RABEP1: variants seen among roughly 807,000 people sequenced by gnomAD.
RABEP1 encodes the protein rab GTPase-binding effector protein 1.
A neutral mutation model predicts 123.4 loss-of-function variants in RABEP1; 51 were observed. The ratio of observed to expected loss-of-function variants is 0.41; its 90% confidence interval spans 0.33 to 0.52. The LOEUF (loss-of-function observed/expected upper bound fraction) is 0.52, where lower values mean the gene tolerates loss of function less well. Among genes scored for constraint, RABEP1 ranks in the 20% least tolerant of loss-of-function variants. RABEP1 has a pLI of 0.16. For synonymous variants in RABEP1, 347 were observed against 355.2 expected (o/e 0.98, Z 0.26); for missense variants, 888 against 996.3 (o/e 0.89, Z 1.46).
At chr17:5,372,893 G>T (rs1185246836) in intron 12 of RABEP1, among the ~76,000 whole-genome samples, 1 of 152,190 alleles carries the variant, frequency 6.6e-6, no homozygotes, top group East Asian at 1.9e-4. Context: ...CCTAGTTGCT[G>T]GGATTACAGG....
chr17:5,343,136 C>T (rs139463641), intron 5 of RABEP1, among the ~76,000 whole-genome samples: 1 of 152,260 alleles, frequency 6.6e-6, no homozygotes, highest in African/African-American at 2.4e-5. Flanking sequence ...CCTGTAATCC[C>T]AGCTACTTGG....
intron 5 of RABEP1, 71 bp downstream of exon 5, chr17:5,338,209 T>C: frequency 6.8e-7 from 1 of 1,478,324 alleles, no homozygotes; most frequent in Non-Finnish European, 9.1e-7. Flanking sequence ...AAAATTAGAA[T>C]CAGTAATAGG....
intron 2 of RABEP1, among the ~76,000 whole-genome samples, chr17:5,316,427 G>A (rs1319195222): frequency 8.3e-6 from 1 of 120,870 alleles, no homozygotes; most frequent in Non-Finnish European, 1.6e-5. Context: ...TCCACCGTGG[G>A]CGACAGAGTG....
chr17:5,288,222 G>A (rs886357683), intron 1 of RABEP1, among the ~76,000 whole-genome samples: 1 of 152,000 alleles, frequency 6.6e-6, no homozygotes, highest in African/African-American at 2.4e-5. Flanking sequence ...TGATGGATGA[G>A]CAGGACTCCT....
chr17:5,305,926 C>T (rs954500211), intron 1 of RABEP1, among the ~76,000 whole-genome samples: 2 of 152,128 alleles, frequency 1.3e-5, no homozygotes, highest in African/African-American at 4.8e-5. Context: ...CATGTTAGTT[C>T]CTCAAAAATT....
intron 3 of RABEP1, among the ~76,000 whole-genome samples, 181 bp downstream of exon 3, chr17:5,332,333 A>G (rs1249443887): frequency 1.3e-5 from 2 of 152,244 alleles, no homozygotes; most frequent in Non-Finnish European, 2.9e-5. Flanking sequence ...GGATATATCA[A>G]TCGTATCTAA....
intron 1 of RABEP1, among the ~76,000 whole-genome samples, chr17:5,303,454 T>C (rs2075153851): frequency 6.6e-6 from 1 of 151,974 alleles, no homozygotes; most frequent in Non-Finnish European, 1.5e-5. Flanking sequence ...ATTGACCAGG[T>C]TGGTCTTGAA....
intron 2 of RABEP1, among the ~76,000 whole-genome samples, chr17:5,322,812 T>C (rs1905511520): frequency 6.6e-6 from 1 of 152,188 alleles, no homozygotes; most frequent in Non-Finnish European, 1.5e-5. Flanking sequence ...CAGTGGCTCA[T>C]GCCTGTAATC....
chr17:5,350,031 TC>T (rs756558362), intron 6 of RABEP1, among the ~76,000 whole-genome samples: 2 of 152,122 alleles, frequency 1.3e-5, no homozygotes, highest in Non-Finnish European at 2.9e-5. Flanking sequence ...AAGGACAGAA[TC>T]CTAGAGATGT....
At position 5,308,978 on chromosome 17, in the gene RABEP1, G is replaced by A. The variant is rs561335022; in HGVS notation, c.163+156G>A. 8.5e-5 allele frequency among the ~76,000 whole-genome samples: 13 copies of A among 152,246 alleles called. No homozygotes were observed. In the South Asian group the frequency reaches 1.2e-3, roughly 15 times the overall value. ...TGTTTAAAGGCTAGGTTAAGAATGG[G>A]ATTGAAAAACAAGTTGAAAAATGCC... On this transcript the variant is annotated intron_variant, in intron 2 of 17. Coordinates refer to ENST00000537505, the MANE Select transcript of RABEP1 (RefSeq NM_004703.6).
chr17:5,382,609 G>A (rs549482250), intron 17 of RABEP1, among the ~76,000 whole-genome samples: 7 of 151,812 alleles, frequency 4.6e-5, no homozygotes, highest in East Asian at 2.0e-4. Context: ...AAAATTAGCC[G>A]GGCATGGTGG....
At chr17:5,329,949 C>T (rs79795361) in intron 2 of RABEP1, among the ~76,000 whole-genome samples, 233 of 151,832 alleles carry the variant, frequency 1.5e-3, no homozygotes, top group African/African-American at 5.3e-3. Context: ...TTTTTCTGTT[C>T]ATAATGACAA....
intron 9 of RABEP1, 106 bp from the exon 10 acceptor site, chr17:5,362,806 T>A (rs2144679967): frequency 1.4e-6 from 1 of 732,584 alleles, no homozygotes; most frequent in Non-Finnish European, 2.4e-6. Context: ...AGAAAGTGTT[T>A]ACTGCATGTT....
intron 5 of RABEP1, among the ~76,000 whole-genome samples, chr17:5,346,516 A>G (rs1908078367): frequency 6.6e-6 from 1 of 152,202 alleles, no homozygotes; most frequent in Admixed American, 6.5e-5. Flanking sequence ...TACAAATTGG[A>G]GCCGCCTTTT....
intron 2 of RABEP1, among the ~76,000 whole-genome samples, chr17:5,313,237 A>C (rs999504384): frequency 6.6e-6 from 1 of 152,230 alleles, no homozygotes; most frequent in Non-Finnish European, 1.5e-5. Flanking sequence ...TATTCTTGTC[A>C]AGATGACCTG....
chr17:5,381,927 C>T (rs3026115), intron 17 of RABEP1, among the ~76,000 whole-genome samples: 69,993 of 151,896 alleles, frequency 0.46, 16,892 homozygotes, highest in East Asian at 0.84. Flanking sequence ...CAGCGTAGGT[C>T]TGTCCCCTCT....
rs1425113338 is a variant in RABEP1, at chr17:5,383,279, C to G, written c.*56C>G. On this transcript the variant is annotated 3_prime_UTR_variant, in exon 18 of 18. Coordinates refer to ENST00000537505, the MANE Select transcript of RABEP1 (RefSeq NM_004703.6). ...TTGGGTTTTTAACTCATCTTTAGAGCAACAGTAATTATTATTTAACTCTTA... is the reference window on the plus strand; with the variant it reads ...TTGGGTTTTTAACTCATCTTTAGAGGAACAGTAATTATTATTTAACTCTTA... 14 of 1,319,000 alleles carry G rather than the reference C, an allele frequency of 1.1e-5. No homozygotes were observed. In the East Asian group the frequency reaches 3.2e-4, roughly 30 times the overall value. The allele number at this position is 1,319,000 out of a possible 1,614,324, so 81.7% of individuals were successfully genotyped here.
chr17:5,294,542 T>A (rs2075062276), intron 1 of RABEP1, among the ~76,000 whole-genome samples: 1 of 149,804 alleles, frequency 6.7e-6, no homozygotes, highest in African/African-American at 2.5e-5. Context: ...ACTACACTGT[T>A]TTATATAAGG....
intron 1 of RABEP1, among the ~76,000 whole-genome samples, chr17:5,283,591 G>C (rs1003149046): frequency 2.0e-5 from 3 of 152,210 alleles, no homozygotes; most frequent in African/African-American, 7.2e-5. Context: ...GCATCTTTAA[G>C]TGTGAGTAGA....
Sources: gnomAD v4.1 joint callset for allele counts (sites outside exome capture counted in the v4.1 genomes callset) on GRCh38, gnomAD v4.1.1 for gene constraint, MANE v1.5 for transcripts, NCBI Gene and HGNC (gene_info 2026-07-23, HGNC 2026-07-21) for gene names.